The following CD5 variants were observed in gnomAD, a reference collection of about 807,000 sequenced individuals.
CD5 encodes T-cell surface glycoprotein CD5.
In CD5, 36 loss-of-function variants were observed where a neutral mutation model predicts 60.3. The ratio of observed to expected loss-of-function variants is 0.60; its 90% CI spans 0.46 to 0.79. The LOEUF (loss-of-function observed/expected upper bound fraction) is 0.79. CD5 is among the 30% of genes least tolerant of loss of function. The pLI, the probability that CD5 is intolerant of heterozygous loss-of-function variation, is 0.00. For missense variants in CD5, 540 were observed against 630.6 expected (o/e 0.86, Z 1.54); for synonymous variants, 230 against 257.6 (o/e 0.89, Z 1.03).
chr11:61,104,523 G>A (rs1223553080), intron 1 of CD5, among the ~76,000 whole-genome samples: 1 of 152,152 alleles, frequency 6.6e-6, no homozygotes, highest in Non-Finnish European at 1.5e-5. Context: ...TCATGGGTGA[G>A]GCTCCTGATG....
intron 2 of CD5, among the ~76,000 whole-genome samples, chr11:61,115,864 A>T (rs57437213): frequency 6.6e-6 from 1 of 152,198 alleles, no homozygotes; most frequent in African/African-American, 2.4e-5. Context: ...CTGACATCCT[A>T]GCTCCAAGCT....
chr11:61,115,463 G>A (rs2134602163), intron 2 of CD5, among the ~76,000 whole-genome samples: 1 of 152,310 alleles, frequency 6.6e-6, no homozygotes, highest in African/African-American at 2.4e-5. Flanking sequence ...AGCGGAGTCT[G>A]CAGAGAGAGG....
At chr11:61,096,163 C>T in the CD5 span, among the ~76,000 whole-genome samples, 1 of 152,212 alleles carries the variant, frequency 6.6e-6, no homozygotes, top group African/African-American at 2.4e-5. Context: ...GGGAAGAATA[C>T]CCAGTCTAAT....
At chr11:61,106,152 G>A (rs549987125) in intron 1 of CD5, among the ~76,000 whole-genome samples, 7 of 140,816 alleles carry the variant, frequency 5.0e-5, no homozygotes, top group African/African-American at 7.8e-5. Flanking sequence ...AAAGGCACCC[G>A]AAATATTTAC....
rs369731937 is a variant in CD5 at position 61,118,203 on chromosome 11, C to T, written c.123C>T (p.Asn41=). 9.9e-6 allele frequency: 16 copies of T among 1,614,008 alleles called. No individual in the cohort carries two copies. The African/African-American group carries it at 2.1e-4, about 22-fold the overall frequency. The change falls in exon 3 of 11, where the codon AAC becomes AAT. Residue 41 remains asparagine (N), a synonymous_variant. Transcript: ENST00000347785. This position sits in a 1 kb window ranked among gnomAD's most constrained non-coding sequence, Gnocchi z 4.7. Reference sequence around the variant, plus strand: ...TCCAGGCAAGGCTCACCCGTTCCAACTCGAAGTGCCAGGGCCAGCTGGAGG... The same window carrying T: ...TCCAGGCAAGGCTCACCCGTTCCAATTCGAAGTGCCAGGGCCAGCTGGAGG... ...PDFQARLTRS[N]SKCQGQLEVY...
chr11:61,127,742 T>A lies in CD5; in HGVS notation c.*1457T>A, dbSNP rs1861172660. The A allele has an allele frequency of 6.6e-6, 1 of 152,174 alleles. No homozygotes were observed. Among genetic ancestry groups the A allele is most frequent in the African/African-American group, 2.4e-5 (1 of 41,442 alleles). 9.4% of individuals were successfully genotyped at this position (152,174 alleles called of 1,614,324 possible). ...CAGCCAGTGTCTCCCATCAGTGCCT[T>A]TTTTAATAAAAGCTCTTTCATCTAT... On this transcript the variant is annotated 3_prime_UTR_variant, in exon 11 of 11. Transcript: ENST00000347785.
intron 1 of CD5, among the ~76,000 whole-genome samples, chr11:61,103,838 G>T (rs1860739019): frequency 8.6e-6 from 1 of 115,814 alleles, no homozygotes; most frequent in Admixed American, 9.7e-5. Flanking sequence ...TGTGAGTACT[G>T]TGTGGGGGGG....
chr11:61,123,812 T>TTCCCCCCCCC, intron 7 of CD5, 72 bp from the exon 8 acceptor site: 2 of 339,972 alleles, frequency 5.9e-6, no homozygotes, highest in Admixed American at 4.7e-5. Flanking sequence ...CCCAGCCCCA[T>TTCCCCCCCCC]CCCCACCCCT....
chr11:61,112,476 T>A (rs1396421848), intron 1 of CD5, among the ~76,000 whole-genome samples: 1 of 152,136 alleles, frequency 6.6e-6, no homozygotes, highest in Non-Finnish European at 1.5e-5. Flanking sequence ...AAACCTCATC[T>A]CTACTAAAAG....
chr11:61,098,690 T>C (rs1367113203), upstream of CD5, among the ~76,000 whole-genome samples: 3 of 152,142 alleles, frequency 2.0e-5, no homozygotes, highest in Admixed American at 2.0e-4. Context: ...CAGACTCCCT[T>C]AGAGTTGTGA....
upstream of CD5, among the ~76,000 whole-genome samples, chr11:61,100,425 C>T (rs555821634): frequency 0.015 from 2,170 of 145,298 alleles, 56 homozygotes; most frequent in African/African-American, 0.051. Context: ...CACACATCAA[C>T]ATGGAGATCA....
At chr11:61,125,914 A>G (rs1219496505) in intron 10 of CD5, 73 bp downstream of exon 10, 2 of 948,930 alleles carry the variant, frequency 2.1e-6, no homozygotes, top group Admixed American at 2.5e-5. Context: ...GCAGCCACTC[A>G]ATGCCTCCCC....
Position 61,115,208 on chromosome 11 carries a change from C to T in CD5, c.94+114C>T, listed in dbSNP as rs1029408513. 7.6e-6 allele frequency: 7 copies of T among 923,354 alleles called. No homozygotes were observed. The African/African-American group carries it at 9.8e-5, about 13-fold the overall frequency. The allele number at this position is 923,354 out of a possible 1,614,324, so 57.2% of individuals were successfully genotyped here. A position where few individuals can be genotyped will look rare whatever the true frequency, so the allele number is the denominator to read the frequency against. On this transcript the variant is annotated intron_variant, in intron 2 of 10. Coordinates refer to ENST00000347785, the MANE Select transcript of CD5 (RefSeq NM_014207.4). ...CCATCACTTCTGCCAGAGTGAACCC[C>T]ACCCTATAGAGAGAGTGAACCCCAG...
intron 2 of CD5, among the ~76,000 whole-genome samples, chr11:61,117,113 T>TGTCCG (rs1860977859): frequency 1.3e-5 from 2 of 152,270 alleles, no homozygotes. Flanking sequence ...CAAATTGGCA[T>TGTCCG]GTCCGTGTAG....
Position 61,118,505 on chromosome 11 carries a change from G to A in CD5, c.400+25G>A. ...GGTGGGTAACTAGCCAGCCACACGGGCACCCTGGGCCTGGGCGCCAGCCCC... is the reference window on the plus strand; with the variant it reads ...GGTGGGTAACTAGCCAGCCACACGGACACCCTGGGCCTGGGCGCCAGCCCC... On this transcript the variant is annotated intron_variant, in intron 3 of 10. Coordinates refer to ENST00000347785, the MANE Select transcript of CD5 (RefSeq NM_014207.4). The surrounding 1 kb of genome is among the most constrained non-coding windows in gnomAD (Gnocchi z 4.7). 1 of 1,605,160 alleles carries A rather than the reference G, an allele frequency of 6.2e-7. No individual in the cohort carries two copies.
chr11:61,116,552 C>CA (rs1336907636), intron 2 of CD5, among the ~76,000 whole-genome samples: 4 of 107,764 alleles, frequency 3.7e-5, no homozygotes, highest in Non-Finnish European at 3.8e-5. Context: ...CACACACACA[C>CA]CACACACACC....
intron 1 of CD5, 79 bp from the exon 2 acceptor site, chr11:61,114,977 G>C (rs879792571): frequency 1.2e-4 from 166 of 1,391,506 alleles, no homozygotes; most frequent in Non-Finnish European, 1.6e-4. Context: ...GCCATTGCTC[G>C]GGCTGTGGGT....
At chr11:61,102,069 G>A (rs1255393447), upstream of CD5, among the ~76,000 whole-genome samples, 1 of 152,230 alleles carries the variant, frequency 6.6e-6, no homozygotes, top group South Asian at 2.1e-4. Context: ...GGAATGGAGG[G>A]TTTGGTTTTG....
At chr11:61,113,766 T>G (rs1185389258) in intron 1 of CD5, among the ~76,000 whole-genome samples, 3 of 152,170 alleles carry the variant, frequency 2.0e-5, no homozygotes, top group Non-Finnish European at 4.4e-5. Flanking sequence ...CCTCCCAGGT[T>G]CAAGCAATTC....
Sources: gnomAD v4.1 joint callset for allele counts (sites outside exome capture counted in the v4.1 genomes callset) on GRCh38, gnomAD v4.1.1 for gene constraint, Gnocchi (gnomAD v3.1) non-coding constraint, MANE v1.5 for transcripts, NCBI Gene and HGNC (gene_info 2026-07-23, HGNC 2026-07-21) for gene names.